ARID1B: variants seen among roughly 807,000 people sequenced by gnomAD.
The protein encoded by ARID1B is AT-rich interactive domain-containing protein 1B.
Under a neutral mutation model 212.3 loss-of-function variants are expected in ARID1B, and 30 were observed. The ratio of observed to expected loss-of-function variants is 0.14; its 90% CI spans 0.11 to 0.19. ARID1B has a LOEUF of 0.19. Among genes scored for constraint, ARID1B ranks in the 10% least tolerant of loss-of-function variants. ARID1B has a pLI of 1.00. For synonymous variants in ARID1B, 1,402 were observed against 1,301.7 expected, an observed-to-expected ratio of 1.08 and a Z score of -1.66; for missense variants, 2,891 against 3,204.0, an observed-to-expected ratio of 0.90 and a Z score of 2.36.
At chr6:156,950,680 A>T (rs1050992661) in intron 4 of ARID1B, among the ~76,000 whole-genome samples, 1 of 152,184 alleles carries the variant, frequency 6.6e-6, no homozygotes, top group African/African-American at 2.4e-5. Flanking sequence ...TGAAGTTTAA[A>T]CTATTCATAA....
At position 156,779,008 on chromosome 6, in the gene ARID1B, G is replaced by T. The variant is rs1387431464; in HGVS notation, c.1328G>T (p.Gly443Val). The T allele has an allele frequency of 7.9e-7, 1 of 1,265,360 alleles. No homozygotes were observed. Among genetic ancestry groups the T allele is most frequent in the East Asian group, 3.2e-5 (1 of 30,778 alleles). The allele number at this position is 1,265,360 out of a possible 1,614,324, so 78.4% of individuals were successfully genotyped here. A position where few individuals can be genotyped will look rare whatever the true frequency, so the allele number is the denominator to read the frequency against. The change falls in exon 1 of 20, where the codon GGC becomes GTC. Residue 443 changes from glycine to valine, a missense_variant. Gly to Val is a moderately radical substitution (Grantham distance 109, BLOSUM62 -3). This residue lies in a region of ARID1B where 1,643 missense variants were observed against 1,544.0 expected (regional missense o/e 1.06). Transcript: ENST00000636930. ...GGCGGCGGCGGCGGCGGCTATGGGG[G>T]CTCGTCCGCGGGGTACGGGGTGCTG... ...AGGGGGGGYG[G>V]SSAGYGVLSS...
intron 2 of ARID1B, among the ~76,000 whole-genome samples, chr6:156,897,008 A>G (rs1041619534): frequency 1.3e-5 from 2 of 152,204 alleles, no homozygotes; most frequent in Admixed American, 1.3e-4. Flanking sequence ...CTGACCCTGC[A>G]TATTTAACGT....
At chr6:157,115,237 A>T (rs1302105017) in intron 6 of ARID1B, among the ~76,000 whole-genome samples, 1 of 152,224 alleles carries the variant, frequency 6.6e-6, no homozygotes, top group African/African-American at 2.4e-5. Flanking sequence ...TCTACAGTTG[A>T]TATTTTCTAT....
chr6:156,812,985 T>TAC (rs1781678077), intron 1 of ARID1B, among the ~76,000 whole-genome samples: 4 of 106,402 alleles, frequency 3.8e-5, no homozygotes, highest in East Asian at 6.8e-4. Context: ...TGTATGTATA[T>TAC]ACATACGTAT....
intron 4 of ARID1B, among the ~76,000 whole-genome samples, chr6:157,059,091 A>G (rs1019814022): frequency 6.6e-6 from 1 of 151,726 alleles, no homozygotes; most frequent in Non-Finnish European, 1.5e-5. Context: ...ATAAAAATAT[A>G]TTCATTTATC....
At chr6:157,193,336 T>C (rs1361364377) in intron 15 of ARID1B, 1 of 152,206 alleles carries the variant, frequency 6.6e-6, no homozygotes, top group African/African-American at 2.4e-5. Flanking sequence ...TTCCTAGAAG[T>C]AGAATTGTTG....
At chr6:157,118,174 G>A (rs1014055854) in intron 6 of ARID1B, among the ~76,000 whole-genome samples, 4 of 152,120 alleles carry the variant, frequency 2.6e-5, no homozygotes, top group African/African-American at 9.7e-5. Flanking sequence ...AGATTAACAA[G>A]TCAGTACTGA....
intron 4 of ARID1B, among the ~76,000 whole-genome samples, chr6:156,949,348 C>T (rs904268518): frequency 2.6e-5 from 4 of 152,120 alleles, no homozygotes; most frequent in African/African-American, 7.2e-5. Context: ...GCTTTTCAGC[C>T]GGGATACTCC....
intron 5 of ARID1B, among the ~76,000 whole-genome samples, chr6:157,087,549 G>C (rs6941976): frequency 6.6e-6 from 1 of 152,132 alleles, no homozygotes; most frequent in African/African-American, 2.4e-5. Flanking sequence ...TGATTCTTAC[G>C]ATGTTACGTT....
At position 157,110,292 on chromosome 6, in the gene ARID1B, G is replaced by C. The variant is rs180983700; in HGVS notation, c.2492-180G>C. Among the ~76,000 whole-genome samples, 143 of 152,096 alleles carry C rather than the reference G, an allele frequency of 9.4e-4. 2 individuals carry two copies. Among genetic ancestry groups the C allele is most frequent in the Non-Finnish European group, 5.7e-4 (39 of 67,988 alleles). ...TGTTTAGCTAAATATGTTTATTCATGTTTCCTCTTTGTTTCCCAGGGAAAA... is the reference window on the plus strand; with the variant it reads ...TGTTTAGCTAAATATGTTTATTCATCTTTCCTCTTTGTTTCCCAGGGAAAA... On this transcript the variant is annotated intron_variant, in intron 5 of 19. Coordinates refer to ENST00000636930, the MANE Select transcript of ARID1B (RefSeq NM_001374828.1).
In ARID1B at chr6:156,778,114, G is replaced by A. The variant is rs2114962592; in HGVS notation, c.434G>A (p.Gly145Glu). Residue 145 changes from glycine to glutamate, a missense_variant, in exon 1 of 20, where the codon GGG (glycine) becomes GAG (glutamate). Gly to Glu is a moderately conservative substitution (Grantham distance 98). Transcript: ENST00000636930. ...GGCCCGGGCTCGGCCATGGAGACGG[G>A]GCTGCTCCCCAACCACAAACTGAAA... The part of the protein sequence containing the change: ...SSGPGSAMET[G>E]LLPNHKLKTV... 1.3e-6 allele frequency: 2 copies of A among 1,541,092 alleles called. No individual in the cohort carries two copies. The highest frequency in any genetic ancestry group is 1.2e-5 in the South Asian group (1 of 83,964).
At chr6:157,125,670 C>A (rs1028767483) in intron 6 of ARID1B, among the ~76,000 whole-genome samples, 6 of 152,202 alleles carry the variant, frequency 3.9e-5, no homozygotes, top group Admixed American at 3.3e-4. Flanking sequence ...TCTCATAGCA[C>A]CTGTGCTGCT....
intron 1 of ARID1B, among the ~76,000 whole-genome samples, chr6:156,814,115 G>C (rs1295712343): frequency 6.6e-6 from 1 of 152,114 alleles, no homozygotes; most frequent in Non-Finnish European, 1.5e-5. Context: ...TGTACTGAAA[G>C]GAATGTAAAA....
chr6:156,890,634 C>T (rs1787852744), intron 2 of ARID1B, among the ~76,000 whole-genome samples: 1 of 152,228 alleles, frequency 6.6e-6, no homozygotes, highest in Non-Finnish European at 1.5e-5. Flanking sequence ...GCCATGGACC[C>T]AGCTTGTGGG....
chr6:157,062,614 T>C (rs1263493865), intron 4 of ARID1B, among the ~76,000 whole-genome samples: 1 of 151,948 alleles, frequency 6.6e-6, no homozygotes, highest in Non-Finnish European at 1.5e-5. Flanking sequence ...GGTGGTCCGA[T>C]GAGCACTCGC....
rs1794697239 is a variant in ARID1B at position 157,210,352 on chromosome 6, A to G, written c.*2461A>G. On this transcript the variant is annotated 3_prime_UTR_variant, in exon 20 of 20. Coordinates refer to ENST00000636930, the MANE Select transcript of ARID1B (RefSeq NM_001374828.1). Reference sequence around the variant, plus strand: ...AAATAAAAGGTGTATACAAACTCCGAACATATCCAGTATTCCAATTCCTTT... The same window carrying G: ...AAATAAAAGGTGTATACAAACTCCGGACATATCCAGTATTCCAATTCCTTT... 1.3e-5 allele frequency: 3 copies of G among 230,408 alleles called. No individual in the cohort carries two copies. Among genetic ancestry groups the G allele is most frequent in the East Asian group, 1.2e-4 (2 of 16,134 alleles). 14.3% of individuals were successfully genotyped at this position (230,408 alleles called of 1,614,324 possible).
At chr6:157,142,655 CAAAA>C (rs528277627) in intron 7 of ARID1B, among the ~76,000 whole-genome samples, 2 of 151,502 alleles carry the variant, frequency 1.3e-5, no homozygotes, top group African/African-American at 4.9e-5. Flanking sequence ...AAAACAACAA[CAAAA>C]AAAACAATAT....
chr6:157,042,627 G>C (rs1338762363), intron 4 of ARID1B, among the ~76,000 whole-genome samples: 1 of 151,294 alleles, frequency 6.6e-6, no homozygotes, highest in Non-Finnish European at 1.5e-5. Context: ...TGCTATCATT[G>C]GGTCCCACAA....
At chr6:157,000,555 T>C (rs1273587465) in intron 4 of ARID1B, among the ~76,000 whole-genome samples, 1 of 152,168 alleles carries the variant, frequency 6.6e-6, no homozygotes, top group Non-Finnish European at 1.5e-5. Flanking sequence ...CATGTAATTA[T>C]TTACTTGGTA....
Sources: gnomAD v4.1 joint callset for allele counts (sites outside exome capture counted in the v4.1 genomes callset) on GRCh38, gnomAD v4.1.1 for gene constraint, gnomAD v4.1.1 regional missense constraint, MANE v1.5 for transcripts, NCBI Gene and HGNC (gene_info 2026-07-23, HGNC 2026-07-21) for gene names.